Variants in KCNIP4 observed in about 807,000 individuals in gnomAD.
The protein encoded by KCNIP4 is potassium voltage-gated channel interacting protein 4.
A neutral mutation model predicts 34.0 loss-of-function variants in KCNIP4; 12 were observed. The ratio of observed to expected loss-of-function variants is 0.35; its 90% CI spans 0.23 to 0.57. KCNIP4 has a LOEUF of 0.57. Ranked by LOEUF, KCNIP4 falls within the 20% of genes least tolerant of loss-of-function variation. The pLI is 0.83. For missense variants in KCNIP4, 238 were observed against 311.7 expected (o/e 0.76, Z 1.78); for synonymous variants, 124 against 102.2 (o/e 1.21, Z -1.29).
At chr4:20,779,627 TAA>T (rs1202425657) in intron 3 of KCNIP4, among the ~76,000 whole-genome samples, 1 of 117,148 alleles carries the variant, frequency 8.5e-6, no homozygotes, top group African/African-American at 3.3e-5. Context: ...ATTTCAGGTA[TAA>T]TTAGTTTAAG....
intron 1 of KCNIP4, among the ~76,000 whole-genome samples, chr4:21,657,658 T>C (rs1748076157): frequency 1.3e-5 from 2 of 152,304 alleles, no homozygotes; most frequent in South Asian, 2.1e-4. Flanking sequence ...ATCTGTAAAA[T>C]GAGAATAACA....
chr4:21,588,023 G>A (rs963745066), intron 1 of KCNIP4, among the ~76,000 whole-genome samples: 11 of 151,864 alleles, frequency 7.2e-5, no homozygotes, highest in Non-Finnish European at 1.5e-4. Flanking sequence ...CTAGCTTCCT[G>A]TTGCTTCCAT....
chr4:21,711,124 T>G (rs1713688084), intron 1 of KCNIP4, among the ~76,000 whole-genome samples: 1 of 152,184 alleles, frequency 6.6e-6, no homozygotes, highest in South Asian at 2.1e-4. Context: ...GGGGTAGATT[T>G]CGTTTGTATA....
At chr4:20,815,907 C>A (rs989395941) in intron 3 of KCNIP4, among the ~76,000 whole-genome samples, 1 of 152,114 alleles carries the variant, frequency 6.6e-6, no homozygotes, top group Non-Finnish European at 1.5e-5. Context: ...TTGCAAATTA[C>A]ACTTCTCTGA....
chr4:21,575,283 A>G lies in KCNIP4; in HGVS notation c.61+373288T>C, dbSNP rs539272325. On this transcript the variant is annotated intron_variant, in intron 1 of 8. Coordinates refer to ENST00000382152, the MANE Select transcript of KCNIP4 (RefSeq NM_025221.6). ...AGAACACTTGAATCAAGAGTCCAAG[A>G]TGATTTGGAGGTTTTGAGATAGGAA... Among the ~76,000 whole-genome samples, 29 of 152,272 alleles carry G rather than the reference A, an allele frequency of 1.9e-4. 1 individual carries two copies. The South Asian group carries it at 5.8e-3, about 30-fold the overall frequency.
At chr4:21,006,588 G>C (rs999696192) in intron 1 of KCNIP4, among the ~76,000 whole-genome samples, 1 of 152,304 alleles carries the variant, frequency 6.6e-6, no homozygotes, top group African/African-American at 2.4e-5. Flanking sequence ...TACATCAAGA[G>C]CTATAATGGA....
intron 1 of KCNIP4, among the ~76,000 whole-genome samples, chr4:21,640,704 A>G (rs1293093286): frequency 6.6e-6 from 1 of 152,160 alleles, no homozygotes; most frequent in Non-Finnish European, 1.5e-5. Context: ...GGGAGGCAAT[A>G]CATTTCTTAT....
At chr4:21,437,988 C>A (rs1727102723) in intron 1 of KCNIP4, among the ~76,000 whole-genome samples, 1 of 150,400 alleles carries the variant, frequency 6.6e-6, no homozygotes, top group African/African-American at 2.4e-5. Context: ...TTAGTTCATA[C>A]ATGTAAACTC....
intron 3 of KCNIP4, among the ~76,000 whole-genome samples, chr4:20,814,919 T>C (rs1020556873): frequency 6.6e-6 from 1 of 152,220 alleles, no homozygotes; most frequent in Admixed American, 6.5e-5. Flanking sequence ...TTTTGGATCC[T>C]GCTGTCTACT....
intron 1 of KCNIP4, among the ~76,000 whole-genome samples, chr4:21,670,123 A>G (rs577380812): frequency 6.6e-6 from 1 of 152,238 alleles, no homozygotes; most frequent in South Asian, 2.1e-4. Context: ...AAGATTTGCT[A>G]CCAAATTGAA....
intron 1 of KCNIP4, among the ~76,000 whole-genome samples, chr4:21,666,112 C>T (rs1748933825): frequency 6.6e-6 from 1 of 152,192 alleles, no homozygotes; most frequent in Admixed American, 6.5e-5. Flanking sequence ...AAACATTCTA[C>T]TGGTGCCAAG....
At chr4:21,204,662 T>C (rs1219620959) in intron 1 of KCNIP4, among the ~76,000 whole-genome samples, 2 of 152,206 alleles carry the variant, frequency 1.3e-5, no homozygotes, top group Non-Finnish European at 2.9e-5. Flanking sequence ...AAAACTGATC[T>C]CTTTAGATTT....
rs200487011 is a variant in KCNIP4, at chr4:20,751,547, AAG to A, written c.359-1817_359-1816del. 3.9e-3 allele frequency among the ~76,000 whole-genome samples: 594 copies of A among 152,234 alleles called. 5 individuals carry two copies. The highest frequency in any genetic ancestry group is 0.014 in the African/African-American group (572 of 41,552). On this transcript the variant is annotated intron_variant, in intron 4 of 8. Transcript: ENST00000382152. The stretch of plus-strand genomic sequence containing the variant: ...CTGATTTTCAGAGGAGGAAAAAAAA[AAG>A]AGATTTTGCATATTTTATAATGAGC...
chr4:21,496,128 T>A (rs1011096848), intron 1 of KCNIP4, among the ~76,000 whole-genome samples: 5 of 152,192 alleles, frequency 3.3e-5, no homozygotes, highest in African/African-American at 1.2e-4. Context: ...GTCTTTTATA[T>A]CAACACATCA....
chr4:21,461,249 T>A (rs358568), intron 1 of KCNIP4, among the ~76,000 whole-genome samples: 7 of 152,002 alleles, frequency 4.6e-5, no homozygotes, highest in Non-Finnish European at 1.0e-4. Flanking sequence ...CATGGGAAGA[T>A]GTGCCTTGCT....
intron 3 of KCNIP4, among the ~76,000 whole-genome samples, chr4:20,840,531 G>A (rs571860993): frequency 6.6e-6 from 1 of 151,990 alleles, no homozygotes; most frequent in Non-Finnish European, 1.5e-5. Flanking sequence ...TCCAAAATAG[G>A]CCCATCAAAT....
At chr4:20,765,805 T>TAACAAA (rs1755347074) in intron 3 of KCNIP4, among the ~76,000 whole-genome samples, 1 of 152,180 alleles carries the variant, frequency 6.6e-6, no homozygotes, top group Non-Finnish European at 1.5e-5. Flanking sequence ...TGCCATAGAT[T>TAACAAA]TGTCTGTTGG....
intron 1 of KCNIP4, among the ~76,000 whole-genome samples, chr4:21,786,856 T>A (rs187217620): frequency 6.2e-4 from 95 of 152,092 alleles, no homozygotes; most frequent in African/African-American, 2.2e-3. Context: ...TGAGCCACCG[T>A]GCCCCGCCGA....
chr4:21,022,529 G>C (rs1740167121), intron 1 of KCNIP4, among the ~76,000 whole-genome samples: 1 of 152,208 alleles, frequency 6.6e-6, no homozygotes, highest in Admixed American at 6.5e-5. Context: ...TGGTGCCTTT[G>C]CACTGATTTT....
Sources: allele counts gnomAD v4.1 joint callset (sites outside exome capture counted in the v4.1 genomes callset), GRCh38; gene constraint gnomAD v4.1.1; transcripts MANE v1.5; gene names NCBI Gene and HGNC (gene_info 2026-07-23, HGNC 2026-07-21).